Variants in RBM33 observed in about 807,000 individuals in gnomAD.
The protein encoded by RBM33 is RNA binding motif protein 33.
Under a neutral mutation model 132.6 loss-of-function variants are expected in RBM33, and 28 were observed. The ratio of observed to expected loss-of-function variants is 0.21; its 90% CI spans 0.16 to 0.29. RBM33 has a LOEUF of 0.29. RBM33 is among the 10% of genes least tolerant of loss of function. RBM33 has a pLI of 1.00. For synonymous variants in RBM33, 634 were observed against 593.0 expected, an observed-to-expected ratio of 1.07 and a Z score of -1.01; for missense variants, 1,291 against 1,518.5, an observed-to-expected ratio of 0.85 and a Z score of 2.49.
At chr7:155,763,559 G>C (rs1802105993) in intron 14 of RBM33, among the ~76,000 whole-genome samples, 1 of 152,198 alleles carries the variant, frequency 6.6e-6, no homozygotes, top group African/African-American at 2.4e-5. Context: ...TTTAATCGCA[G>C]ATCTCTTATA....
chr7:155,759,537 C>A (rs1801963660), intron 14 of RBM33, among the ~76,000 whole-genome samples: 1 of 151,482 alleles, frequency 6.6e-6, no homozygotes, highest in Non-Finnish European at 1.5e-5. Context: ...CCTGCCTCAG[C>A]CTCCTGAGTA....
Position 155,779,306 on chromosome 7 carries a change from G to A in RBM33, c.*4265G>A, listed in dbSNP as rs924990692. ...TTAGAGGTGACGATTCTACCAGGGA[G>A]TTGACTGATAGGAGTGTGTGCAGGG... On this transcript the variant is annotated 3_prime_UTR_variant, in exon 18 of 18. Transcript: ENST00000401878. The A allele has an allele frequency of 1.3e-5, 2 of 152,044 alleles. No individual in the cohort carries two copies. The highest frequency in any genetic ancestry group is 6.5e-5 in the Admixed American group (1 of 15,272). The allele number at this position is 152,044 out of a possible 1,614,324, so 9.4% of individuals were successfully genotyped here.
In RBM33 at chr7:155,776,575, C is replaced by G. The variant is rs1802619561; in HGVS notation, c.*1534C>G. 1 of 152,284 alleles carries G rather than the reference C, an allele frequency of 6.6e-6. No individual in the cohort carries two copies. The allele number at this position is 152,284 out of a possible 1,614,324, so 9.4% of individuals were successfully genotyped here. A position where few individuals can be genotyped will look rare whatever the true frequency, so the allele number is the denominator to read the frequency against. On this transcript the variant is annotated 3_prime_UTR_variant, in exon 18 of 18. Transcript: ENST00000401878. This position sits in a 1 kb window ranked among gnomAD's most constrained non-coding sequence, Gnocchi z 4.0. The stretch of plus-strand genomic sequence containing the variant: ...TGCGATCCTTTCTGTAGCAGTGATT[C>G]TAAAGTGGCGTTTGCTGTGTGCTTG...
At chr7:155,648,735 T>C (rs1798270236) in intron 1 of RBM33, among the ~76,000 whole-genome samples, 1 of 152,192 alleles carries the variant, frequency 6.6e-6, no homozygotes, top group Non-Finnish European at 1.5e-5. Flanking sequence ...TGAGTACTTT[T>C]AGCATTTCTT....
chr7:155,715,167 T>C (rs1383081318), intron 8 of RBM33, among the ~76,000 whole-genome samples: 1 of 152,150 alleles, frequency 6.6e-6, no homozygotes, highest in Non-Finnish European at 1.5e-5. Flanking sequence ...AGCCGTTGAA[T>C]GAATGGAGAC....
At chr7:155,700,746 T>C in intron 5 of RBM33, 27 bp from the exon 6 acceptor site, 1 of 1,505,738 alleles carries the variant, frequency 6.6e-7, no homozygotes, top group Non-Finnish European at 8.9e-7. Flanking sequence ...TACTGTCCTT[T>C]TTTTGCCTTG....
chr7:155,673,940 G>GTTGTTGTTTGTTTTTTTTGTTTTTTTTTT, intron 3 of RBM33, among the ~76,000 whole-genome samples: 1 of 54,214 alleles, frequency 1.8e-5, no homozygotes, highest in East Asian at 6.7e-4. Flanking sequence ...TTTAGGCTTA[G>GTTGTTGTTTGTTTTTTTTGTTTTTTTTTT]TTTTTTTTTT....
intron 8 of RBM33, 44 bp downstream of exon 8, chr7:155,711,499 C>T (rs1657669360): frequency 7.9e-7 from 1 of 1,264,554 alleles, no homozygotes; most frequent in East Asian, 3.1e-5. Flanking sequence ...ATGGCCCCAG[C>T]TTCCAATGGT....
chr7:155,691,854 A>T (rs1799652933), intron 5 of RBM33, among the ~76,000 whole-genome samples: 1 of 152,066 alleles, frequency 6.6e-6, no homozygotes. Context: ...TCAGGAGACC[A>T]ACATGGGCAA....
At chr7:155,712,449 TCAGA>T (rs1214485368) in intron 8 of RBM33, among the ~76,000 whole-genome samples, 2 of 152,244 alleles carry the variant, frequency 1.3e-5, no homozygotes, top group Non-Finnish European at 1.5e-5. Context: ...TTACTTTCTA[TCAGA>T]CAGTCTTATT....
chr7:155,673,768 G>GCGCGCGCACACA lies in RBM33; in HGVS notation c.171+854_171+855insGCGCGCACACAC, dbSNP rs1554469952. On this transcript the variant is annotated intron_variant, in intron 3 of 17. Coordinates refer to ENST00000401878, the MANE Select transcript of RBM33 (RefSeq NM_053043.3). ...CACGTGTATATACGCGCGCATGCGC[G>GCGCGCGCACACA]CACACACACACACACACACACACAC... is the stretch of plus-strand genomic sequence containing the variant. Among the ~76,000 whole-genome samples the GCGCGCGCACACA allele has an allele frequency of 2.3e-4, 31 of 132,980 alleles. 2 individuals are homozygous for GCGCGCGCACACA. The highest frequency in any genetic ancestry group is 9.1e-4 in the African/African-American group (28 of 30,892). The allele number at this position is 132,980 out of a possible 152,430, so 87.2% of individuals were successfully genotyped here.
chr7:155,753,619 C>G (rs1013235777), intron 14 of RBM33, among the ~76,000 whole-genome samples: 2 of 152,154 alleles, frequency 1.3e-5, no homozygotes, highest in South Asian at 4.1e-4. Context: ...CTGAACTTGC[C>G]CATGAGAAGG....
At chr7:155,664,533 A>G (rs1319565888) in intron 1 of RBM33, among the ~76,000 whole-genome samples, 1 of 152,012 alleles carries the variant, frequency 6.6e-6, no homozygotes, top group Non-Finnish European at 1.5e-5. Context: ...CGGCCTCCCA[A>G]AGTGCTGGGA....
chr7:155,774,531 T>A lies in RBM33; in HGVS notation c.3376-28T>A. ...ATTTTTTATTGTCATTTACAACTGATCTTAAAGTGTTTGTTTTCTTCCTCT... is the reference window on the plus strand; with the variant it reads ...ATTTTTTATTGTCATTTACAACTGAACTTAAAGTGTTTGTTTTCTTCCTCT... On this transcript the variant is annotated intron_variant, in intron 16 of 17. Coordinates refer to ENST00000401878, the MANE Select transcript of RBM33 (RefSeq NM_053043.3). This position sits in a 1 kb window ranked among gnomAD's most constrained non-coding sequence, Gnocchi z 4.2. 1 of 1,499,488 alleles carries A rather than the reference T, an allele frequency of 6.7e-7. No homozygotes were observed. The highest frequency in any genetic ancestry group is 9.3e-7 in the Non-Finnish European group (1 of 1,075,554). 92.9% of individuals were successfully genotyped at this position (1,499,488 alleles called of 1,614,324 possible).
intron 14 of RBM33, among the ~76,000 whole-genome samples, chr7:155,758,369 C>T (rs533850467): frequency 1.1e-4 from 17 of 152,208 alleles, no homozygotes; most frequent in Admixed American, 3.3e-4. Context: ...CTGGGGTTGG[C>T]GGTGGGGAAT....
At chr7:155,705,875 A>G (rs1187257682) in intron 6 of RBM33, among the ~76,000 whole-genome samples, 2 of 152,210 alleles carry the variant, frequency 1.3e-5, no homozygotes, top group African/African-American at 4.8e-5. Flanking sequence ...GTGTTTTCTC[A>G]TGTGACTTTG....
rs1390229215 is a variant in RBM33, at chr7:155,778,941, ACT to A, written c.*3905_*3906del. On this transcript the variant is annotated 3_prime_UTR_variant, in exon 18 of 18. Coordinates refer to ENST00000401878, the MANE Select transcript of RBM33 (RefSeq NM_053043.3). The surrounding 1 kb of genome is among the most constrained non-coding windows in gnomAD (Gnocchi z 4.0). ...GCCGGCACATCGTGGAGTCCTAGAA[ACT>A]CTCTAGTCCCTGCGGCTGTTCCCCT... The A allele has an allele frequency of 6.6e-6, 1 of 152,414 alleles. No homozygotes were observed. The highest frequency in any genetic ancestry group is 1.9e-4 in the East Asian group (1 of 5,166). 9.4% of individuals were successfully genotyped at this position (152,414 alleles called of 1,614,324 possible). A position where few individuals can be genotyped will look rare whatever the true frequency, so the allele number is the denominator to read the frequency against.
rs940665935 is a variant in RBM33, at chr7:155,704,962, T to TA, written c.740-1890dup. Among the ~76,000 whole-genome samples, 8 of 152,206 alleles carry TA rather than the reference T, an allele frequency of 5.3e-5. No individual in the cohort carries two copies. In the East Asian group the frequency reaches 5.8e-4, roughly 11 times the overall value. ...AAATTTTCTTGATTCAGTTGTCTTT[T>TA]AAAAAAAAGTCAGACTGTCATTTGT... On this transcript the variant is annotated intron_variant, in intron 6 of 17. Transcript: ENST00000401878.
chr7:155,742,113 C>T lies in RBM33; in HGVS notation c.2337+7C>T, dbSNP rs1203209783. ...GGCAAAAACAGAAACAGAGGTAGGA[C>T]ACTGCTCTTATTAACAAATGTTGGT... is the stretch of plus-strand genomic sequence containing the variant. On this transcript the variant is annotated splice_region_variant and intron_variant, in intron 13 of 17. Coordinates refer to ENST00000401878, the MANE Select transcript of RBM33 (RefSeq NM_053043.3). 2 of 1,601,276 alleles carry T rather than the reference C, an allele frequency of 1.2e-6. No individual in the cohort carries two copies. Among genetic ancestry groups the T allele is most frequent in the African/African-American group, 1.3e-5 (1 of 74,480 alleles).
Sources: allele counts gnomAD v4.1 joint callset (sites outside exome capture counted in the v4.1 genomes callset), GRCh38; gene constraint gnomAD v4.1.1; non-coding constraint Gnocchi (gnomAD v3.1); transcripts MANE v1.5; gene names NCBI Gene and HGNC (gene_info 2026-07-23, HGNC 2026-07-21).